TANC2: variants seen among roughly 807,000 people sequenced by gnomAD.
TANC2 encodes tetratricopeptide repeat, ankyrin repeat and coiled-coil containing 2.
A neutral mutation model predicts 210.5 loss-of-function variants in TANC2; 26 were observed. That is an observed-to-expected ratio of 0.12 (90% CI 0.09 to 0.17). The LOEUF (loss-of-function observed/expected upper bound fraction) is 0.17. Among genes scored for constraint, TANC2 ranks in the 10% least tolerant of loss-of-function variants. The probability of loss-of-function intolerance (pLI) is 1.00; values close to 1 mark genes in which losing one functional copy is unlikely to be tolerated. For missense variants in TANC2, 2,129 were observed against 2,608.9 expected, an observed-to-expected ratio of 0.82 and a Z score of 4.01; for synonymous variants, 931 against 967.1, an observed-to-expected ratio of 0.96 and a Z score of 0.69.
chr17:63,243,239 G>A (rs1376287844), intron 8 of TANC2, among the ~76,000 whole-genome samples: 3 of 152,196 alleles, frequency 2.0e-5, no homozygotes, highest in Admixed American at 2.0e-4. Context: ...ATTATACATT[G>A]ATGGTGGGAG....
At chr17:63,214,894 A>G (rs1172396708) in intron 7 of TANC2, among the ~76,000 whole-genome samples, 3 of 152,144 alleles carry the variant, frequency 2.0e-5, no homozygotes, top group African/African-American at 7.2e-5. Context: ...GATGCTCTCA[A>G]TTCTTTCCTG....
At chr17:63,067,293 T>C (rs776324315) in intron 2 of TANC2, among the ~76,000 whole-genome samples, 27 of 152,112 alleles carry the variant, frequency 1.8e-4, no homozygotes, top group Admixed American at 1.6e-3. Flanking sequence ...GACCAAGATA[T>C]TGGAATTATC....
At chr17:63,308,951 ATTG>A (rs1229779205) in intron 9 of TANC2, among the ~76,000 whole-genome samples, 1 of 152,162 alleles carries the variant, frequency 6.6e-6, no homozygotes, top group African/African-American at 2.4e-5. Flanking sequence ...GTTTTGGAGT[ATTG>A]TTAGCTTCCA....
At chr17:63,226,464 G>C (rs2042331783) in intron 7 of TANC2, among the ~76,000 whole-genome samples, 1 of 152,170 alleles carries the variant, frequency 6.6e-6, no homozygotes, top group South Asian at 2.1e-4. Context: ...GCTAGCACCT[G>C]CAAGATTCAG....
chr17:63,265,761 T>C (rs532019909), intron 8 of TANC2, among the ~76,000 whole-genome samples: 2 of 152,114 alleles, frequency 1.3e-5, no homozygotes, highest in East Asian at 3.9e-4. Context: ...GCCCATGCAT[T>C]TCTCTTAAGA....
intron 2 of TANC2, among the ~76,000 whole-genome samples, chr17:63,069,807 G>A (rs762893579): frequency 6.6e-6 from 1 of 152,064 alleles, no homozygotes; most frequent in African/African-American, 2.4e-5. Context: ...GGGTTCCATT[G>A]TGCTTTTTTC....
chr17:63,020,014 C>T (rs1194934622), intron 2 of TANC2, among the ~76,000 whole-genome samples: 3 of 152,188 alleles, frequency 2.0e-5, no homozygotes, highest in South Asian at 4.1e-4. Context: ...GCAACCTCCC[C>T]GTCCCGGGTT....
chr17:63,118,663 G>A (rs1230077930), intron 4 of TANC2, among the ~76,000 whole-genome samples: 1 of 152,170 alleles, frequency 6.6e-6, no homozygotes, highest in African/African-American at 2.4e-5. Context: ...AGGTTGGAGT[G>A]CAGTGGTGCA....
At chr17:63,054,155 A>G (rs1036328493) in intron 2 of TANC2, among the ~76,000 whole-genome samples, 2 of 152,180 alleles carry the variant, frequency 1.3e-5, no homozygotes, top group Non-Finnish European at 2.9e-5. Context: ...TACTTGTTTC[A>G]TTGAATTATT....
intron 9 of TANC2, among the ~76,000 whole-genome samples, chr17:63,281,433 G>A (rs2044054324): frequency 6.6e-6 from 1 of 152,050 alleles, no homozygotes; most frequent in Admixed American, 6.6e-5. Context: ...AACCATATAT[G>A]TATAGAAGAA....
At chr17:63,100,218 C>T (rs929937645) in intron 4 of TANC2, among the ~76,000 whole-genome samples, 9 of 152,032 alleles carry the variant, frequency 5.9e-5, no homozygotes, top group Non-Finnish European at 1.3e-4. Context: ...ATCATTATGA[C>T]AATTCAGAAG....
At chr17:63,363,211 ATTT>A (rs1427755995) in intron 14 of TANC2, among the ~76,000 whole-genome samples, 2 of 151,906 alleles carry the variant, frequency 1.3e-5, no homozygotes, top group African/African-American at 4.8e-5. Flanking sequence ...ATATTATTAG[ATTT>A]TTTCCTATAG....
intron 4 of TANC2, among the ~76,000 whole-genome samples, chr17:63,124,925 CA>C: frequency 6.6e-6 from 1 of 152,140 alleles, no homozygotes. Flanking sequence ...TCCCCACCCC[CA>C]ACAAAAATTG....
At chr17:63,066,821 A>G (rs1317690027) in intron 2 of TANC2, among the ~76,000 whole-genome samples, 2 of 151,906 alleles carry the variant, frequency 1.3e-5, no homozygotes, top group Non-Finnish European at 2.9e-5. Context: ...GAGCAAGGTT[A>G]CTATAGCCCT....
At chr17:63,126,346 A>G (rs1253051496) in intron 4 of TANC2, among the ~76,000 whole-genome samples, 2 of 152,224 alleles carry the variant, frequency 1.3e-5, no homozygotes, top group South Asian at 2.1e-4. Context: ...GCCAAAGCAG[A>G]TAACACTATT....
chr17:63,214,486 T>G (rs937531215), intron 7 of TANC2, among the ~76,000 whole-genome samples: 2 of 152,184 alleles, frequency 1.3e-5, no homozygotes, highest in African/African-American at 2.4e-5. Flanking sequence ...TTATTTTAGC[T>G]TGGGTAATTT....
At chr17:63,109,877 G>A (rs986984190) in intron 4 of TANC2, among the ~76,000 whole-genome samples, 1 of 151,604 alleles carries the variant, frequency 6.6e-6, no homozygotes, top group African/African-American at 2.4e-5. Flanking sequence ...CTGCCTTGTA[G>A]AACTATACGA....
At chr17:62,977,030 T>G (rs964713990) in intron 1 of TANC2, among the ~76,000 whole-genome samples, 11 of 152,222 alleles carry the variant, frequency 7.2e-5, no homozygotes, top group Admixed American at 4.6e-4. Flanking sequence ...CCTGTCTCCT[T>G]TGTTCCATGC....
intron 5 of TANC2, chr17:63,153,608 T>C (rs2039733372): frequency 1.3e-5 from 2 of 152,040 alleles, no homozygotes; most frequent in Admixed American, 6.6e-5. Context: ...AAGCTGCTGT[T>C]TGAGATTCTA....
Sources: gnomAD v4.1 joint callset for allele counts (sites outside exome capture counted in the v4.1 genomes callset) on GRCh38, gnomAD v4.1.1 for gene constraint, MANE v1.5 for transcripts, NCBI Gene and HGNC (gene_info 2026-07-23, HGNC 2026-07-21) for gene names.